The following LRRC3 variants were observed in gnomAD, a reference collection of about 807,000 sequenced individuals.
The protein encoded by LRRC3 is leucine-rich repeat-containing protein 3.
For missense variants in LRRC3, 351 were observed against 361.6 expected, an observed-to-expected ratio of 0.97 and a Z score of 0.24; for synonymous variants, 172 against 164.1, an observed-to-expected ratio of 1.05 and a Z score of -0.37.
Position 44,462,129 on chromosome 21 carries a change from C to G in LRRC3, c.*4711C>G, listed in dbSNP as rs190810655. Reference sequence around the variant, plus strand: ...GCCATGCTGCTGGCCCAGCCTGTGCCGGTGTCTGTTTCTGTTGTCTCTCGG... The same window carrying G: ...GCCATGCTGCTGGCCCAGCCTGTGCGGGTGTCTGTTTCTGTTGTCTCTCGG... On this transcript the variant is annotated 3_prime_UTR_variant, in exon 2 of 2. Transcript: ENST00000291592. This position sits in a 1 kb window ranked among gnomAD's most constrained non-coding sequence, Gnocchi z 4.2. 2.6e-5 allele frequency: 4 copies of G among 152,420 alleles called. No individual in the cohort carries two copies. Among genetic ancestry groups the G allele is most frequent in the Admixed American group, 1.3e-4 (2 of 15,308 alleles). 9.4% of individuals were successfully genotyped at this position (152,420 alleles called of 1,614,324 possible).
Position 44,456,975 on chromosome 21 carries a change from C to T in LRRC3, c.331C>T (p.Leu111=), listed in dbSNP as rs1200410884. 6.2e-7 allele frequency: 1 copy of T among 1,607,452 alleles called. No homozygotes were observed. Among genetic ancestry groups the T allele is most frequent in the Non-Finnish European group, 8.5e-7 (1 of 1,179,892 alleles). ...EAIGSATFAG[L]AGGLRLLDLS... ...CATCGGCTCCGCCACCTTCGCGGGC[C>T]TGGCCGGGGGCCTGCGGCTGCTGGA... The change falls in exon 2 of 2, where the codon CTG becomes TTG. Residue 111 remains leucine (L), a synonymous_variant. Transcript: ENST00000291592.
In LRRC3 at chr21:44,461,539, A is replaced by C. The variant is rs1344070447; in HGVS notation, c.*4121A>C. The C allele has an allele frequency of 1.3e-5, 2 of 152,290 alleles. No homozygotes were observed. The highest frequency in any genetic ancestry group is 4.8e-5 in the African/African-American group (2 of 41,458). 9.4% of individuals were successfully genotyped at this position (152,290 alleles called of 1,614,324 possible). ...GCTAAACCTGGACATGTGTTTCATA[A>C]CCAAAGCAGCCAGGAATCTCCGGCT... On this transcript the variant is annotated 3_prime_UTR_variant, in exon 2 of 2. Coordinates refer to ENST00000291592, the MANE Select transcript of LRRC3 (RefSeq NM_030891.6).
chr21:44,456,576 T>G lies in LRRC3; in HGVS notation c.-69T>G. ...ATGTCTGGTTGGATAAGGCCTTGCC[T>G]GCGGAAACCAGCTCCATCCCCAGGC... is the stretch of plus-strand genomic sequence containing the variant. On this transcript the variant is annotated 5_prime_UTR_variant, in exon 2 of 2. Transcript: ENST00000291592. 6.7e-7 allele frequency: 1 copy of G among 1,492,926 alleles called. No homozygotes were observed. The highest frequency in any genetic ancestry group is 9.0e-7 in the Non-Finnish European group (1 of 1,116,206). The allele number at this position is 1,492,926 out of a possible 1,614,324, so 92.5% of individuals were successfully genotyped here.
At chr21:44,455,832 C>G (rs915968427) in intron 1 of LRRC3, among the ~76,000 whole-genome samples, 177 bp downstream of exon 1, 1 of 151,960 alleles carries the variant, frequency 6.6e-6, no homozygotes, top group African/African-American at 2.4e-5. Flanking sequence ...CGCGCGGCCC[C>G]GCCGTCCACG....
rs750774218 is a variant in LRRC3 at position 44,456,670 on chromosome 21, C to G, written c.26C>G (p.Pro9Arg). 8.1e-6 allele frequency: 13 copies of G among 1,603,410 alleles called. No individual in the cohort carries two copies. In the African/African-American group the frequency reaches 1.7e-4, roughly 21 times the overall value. ...ATGGGCACCGTGCGCCCACCTCGCC[C>G]CTCGCTCCTGCTGGTCTCCACCCGG... MGTVRPPR[P>R]SLLLVSTRES... Residue 9 changes from proline (P) to arginine (R), a missense_variant, in exon 2 of 2, where the codon CCC becomes CGC. Transcript: ENST00000291592.
Position 44,456,668 on chromosome 21 carries a change from C to G in LRRC3, c.24C>G (p.Arg8=). 2 of 1,602,658 alleles carry G rather than the reference C, an allele frequency of 1.2e-6. No individual in the cohort carries two copies. Among genetic ancestry groups the G allele is most frequent in the Non-Finnish European group, 1.7e-6 (2 of 1,175,530 alleles). The change falls in exon 2 of 2, where the codon CGC becomes CGG. Residue 8 remains arginine, a synonymous_variant. Coordinates refer to ENST00000291592, the MANE Select transcript of LRRC3 (RefSeq NM_030891.6). ...GGATGGGCACCGTGCGCCCACCTCG[C>G]CCCTCGCTCCTGCTGGTCTCCACCC... The part of the protein sequence containing the change: MGTVRPP[R]PSLLLVSTRE...
chr21:44,457,142 T>A lies in LRRC3; in HGVS notation c.498T>A (p.Ser166=), dbSNP rs1261554429. Residue 166 remains serine, a synonymous_variant, in exon 2 of 2, where the codon TCT becomes TCA. Coordinates refer to ENST00000291592, the MANE Select transcript of LRRC3 (RefSeq NM_030891.6). ...ALWELKLDPD[S]VDEIACHTSV... Reference sequence around the variant, plus strand: ...GGGAGCTGAAGCTGGACCCCGACTCTGTGGACGAGATCGCCTGCCACACCT... The same window carrying A: ...GGGAGCTGAAGCTGGACCCCGACTCAGTGGACGAGATCGCCTGCCACACCT... 6.2e-7 allele frequency: 1 copy of A among 1,612,920 alleles called. No individual in the cohort carries two copies. Among genetic ancestry groups the A allele is most frequent in the East Asian group, 2.2e-5 (1 of 44,892 alleles).
Position 44,461,138 on chromosome 21 carries a change from T to A in LRRC3, c.*3720T>A, listed in dbSNP as rs1482640303. ...ATAGCCACCAGCAGAGCCATCCTGATCCACAGGACCATCCCTGGTGGGGTG... is the reference window on the plus strand; with the variant it reads ...ATAGCCACCAGCAGAGCCATCCTGAACCACAGGACCATCCCTGGTGGGGTG... On this transcript the variant is annotated 3_prime_UTR_variant, in exon 2 of 2. Coordinates refer to ENST00000291592, the MANE Select transcript of LRRC3 (RefSeq NM_030891.6). The A allele has an allele frequency of 6.6e-6, 1 of 152,392 alleles. No individual in the cohort carries two copies. Among genetic ancestry groups the A allele is most frequent in the Admixed American group, 6.5e-5 (1 of 15,284 alleles). The allele number at this position is 152,392 out of a possible 1,614,324, so 9.4% of individuals were successfully genotyped here. A position where few individuals can be genotyped will look rare whatever the true frequency, so the allele number is the denominator to read the frequency against.
rs1009176581 is a variant in LRRC3, at chr21:44,460,749, A to ACC, written c.*3333_*3334dup. ...GAGGCAGAGCCTGAACCCCAACCCA[A>ACC]CCCTAACTCTAATGCTAACCCCTAA... On this transcript the variant is annotated 3_prime_UTR_variant, in exon 2 of 2. Transcript: ENST00000291592. 6.6e-6 allele frequency: 1 copy of ACC among 151,988 alleles called. No homozygotes were observed. Among genetic ancestry groups the ACC allele is most frequent in the Non-Finnish European group, 1.5e-5 (1 of 68,024 alleles). The allele number at this position is 151,988 out of a possible 1,614,324, so 9.4% of individuals were successfully genotyped here.
intron 1 of LRRC3, 34 bp from the exon 2 acceptor site, chr21:44,456,464 C>G: frequency 1.5e-6 from 1 of 662,302 alleles, no homozygotes; most frequent in Non-Finnish European, 2.5e-6. Context: ...CACCCTCCCT[C>G]CCTCTCCGCT....
chr21:44,457,161 C>T lies in LRRC3; in HGVS notation c.517C>T (p.His173Tyr). ...DPDSVDEIAC[H>Y]TSVQEEFVGK... is the part of the protein sequence containing the mutation. ...CGACTCTGTGGACGAGATCGCCTGC[C>T]ACACCTCAGTGCAGGAGGAGTTTGT... Residue 173 changes from histidine (H) to tyrosine (Y), a missense_variant, in exon 2 of 2, where the codon CAC becomes TAC. His to Tyr is a moderately conservative substitution (Grantham distance 83, BLOSUM62 2). Transcript: ENST00000291592. 4.3e-6 allele frequency: 7 copies of T among 1,613,692 alleles called. No homozygotes were observed. The highest frequency in any genetic ancestry group is 5.9e-6 in the Non-Finnish European group (7 of 1,180,046).
Position 44,457,767 on chromosome 21 carries a change from C to G in LRRC3, c.*349C>G, listed in dbSNP as rs891465679. On this transcript the variant is annotated 3_prime_UTR_variant, in exon 2 of 2. Coordinates refer to ENST00000291592, the MANE Select transcript of LRRC3 (RefSeq NM_030891.6). Reference sequence around the variant, plus strand: ...AGGCTGTGGATATGCACTCAGAGGACTAAGGGGGTGCTCTGCAAGCGAGAG... The same window carrying G: ...AGGCTGTGGATATGCACTCAGAGGAGTAAGGGGGTGCTCTGCAAGCGAGAG... The G allele has an allele frequency of 3.2e-6, 1 of 309,086 alleles. No individual in the cohort carries two copies. The highest frequency in any genetic ancestry group is 6.4e-6 in the Non-Finnish European group (1 of 156,658). 19.1% of individuals were successfully genotyped at this position (309,086 alleles called of 1,614,324 possible).
In LRRC3 at chr21:44,455,565, T is replaced by TGGCCGCCGCGCCAGGCGTGGAGC. The variant is rs1258702250; in HGVS notation, c.-237_-215dup. On this transcript the variant is annotated 5_prime_UTR_variant, in exon 1 of 2. Coordinates refer to ENST00000291592, the MANE Select transcript of LRRC3 (RefSeq NM_030891.6). Reference sequence around the variant, plus strand: ...GGGCGCGGTCGCAGGGGCAGCGGGGTGGCCGCCGCGCCAGGCGTGGAGCTG... The same window carrying TGGCCGCCGCGCCAGGCGTGGAGC: ...GGGCGCGGTCGCAGGGGCAGCGGGGTGGCCGCCGCGCCAGGCGTGGAGCGGCCGCCGCGCCAGGCGTGGAGCTG... 6.6e-6 allele frequency: 1 copy of TGGCCGCCGCGCCAGGCGTGGAGC among 150,868 alleles called. No homozygotes were observed. Among genetic ancestry groups the TGGCCGCCGCGCCAGGCGTGGAGC allele is most frequent in the Non-Finnish European group, 1.5e-5 (1 of 67,654 alleles). The allele number at this position is 150,868 out of a possible 1,614,324, so 9.3% of individuals were successfully genotyped here.
In LRRC3 at chr21:44,457,101, C is replaced by A; in HGVS notation, c.457C>A (p.Leu153Met). The A allele has an allele frequency of 6.2e-7, 1 of 1,611,498 alleles. No individual in the cohort carries two copies. Among genetic ancestry groups the A allele is most frequent in the Non-Finnish European group, 8.5e-7 (1 of 1,179,988 alleles). ...SHNPLHCECA[L>M]QEALWELKLD... ...CAACCCCCTGCACTGCGAGTGCGCC[C>A]TGCAGGAGGCCCTGTGGGAGCTGAA... Residue 153 changes from leucine to methionine, a missense_variant, in exon 2 of 2, where the codon CTG becomes ATG. Coordinates refer to ENST00000291592, the MANE Select transcript of LRRC3 (RefSeq NM_030891.6).
chr21:44,455,651 C>T lies in LRRC3; in HGVS notation c.-152C>T, dbSNP rs902693305. 6.6e-6 allele frequency: 1 copy of T among 151,744 alleles called. No homozygotes were observed. The highest frequency in any genetic ancestry group is 2.4e-5 in the African/African-American group (1 of 41,350). 9.4% of individuals were successfully genotyped at this position (151,744 alleles called of 1,614,324 possible). Reference sequence around the variant, plus strand: ...GCAGAGCAGCCTCCGGCCGCCGCCGCGCAGGTAAAGCCCCCGCCCAGCCCT... The same window carrying T: ...GCAGAGCAGCCTCCGGCCGCCGCCGTGCAGGTAAAGCCCCCGCCCAGCCCT... On this transcript the variant is annotated 5_prime_UTR_variant, in exon 1 of 2. Coordinates refer to ENST00000291592, the MANE Select transcript of LRRC3 (RefSeq NM_030891.6).
rs988660834 is a variant in LRRC3 at position 44,457,699 on chromosome 21, C to T, written c.*281C>T. 1.5e-5 allele frequency: 7 copies of T among 457,988 alleles called. No homozygotes were observed. Among genetic ancestry groups the T allele is most frequent in the Middle Eastern group, 5.9e-4 (1 of 1,686 alleles). The allele number at this position is 457,988 out of a possible 1,614,324, so 28.4% of individuals were successfully genotyped here. On this transcript the variant is annotated 3_prime_UTR_variant, in exon 2 of 2. Transcript: ENST00000291592. ...ACCCGGGCTGTCCATCGTGACATTC[C>T]GCCTCCTTCCACCATGCCAGCCTCT... is the stretch of plus-strand genomic sequence containing the variant.
At position 44,457,712 on chromosome 21, in the gene LRRC3, C is replaced by G; in HGVS notation, c.*294C>G. On this transcript the variant is annotated 3_prime_UTR_variant, in exon 2 of 2. Transcript: ENST00000291592. Reference sequence around the variant, plus strand: ...ATCGTGACATTCCGCCTCCTTCCACCATGCCAGCCTCTCCCACACGGGGCC... The same window carrying G: ...ATCGTGACATTCCGCCTCCTTCCACGATGCCAGCCTCTCCCACACGGGGCC... The G allele has an allele frequency of 2.3e-6, 1 of 442,336 alleles. No homozygotes were observed. The highest frequency in any genetic ancestry group is 4.2e-6 in the Non-Finnish European group (1 of 237,008). The allele number at this position is 442,336 out of a possible 1,614,324, so 27.4% of individuals were successfully genotyped here. A position where few individuals can be genotyped will look rare whatever the true frequency, so the allele number is the denominator to read the frequency against.
Position 44,457,274 on chromosome 21 carries a change from C to A in LRRC3, c.630C>A (p.Thr210=). 1 of 1,613,894 alleles carries A rather than the reference C, an allele frequency of 6.2e-7. No homozygotes were observed. The highest frequency in any genetic ancestry group is 1.7e-5 in the Admixed American group (1 of 60,030). The change falls in exon 2 of 2, where the codon ACC becomes ACA. Residue 210 remains threonine (T), a synonymous_variant. Transcript: ENST00000291592. The part of the protein sequence containing the change: ...HRTTDVAMLV[T]MFGWFAMVIA... ...CCACAGACGTGGCCATGCTGGTCAC[C>A]ATGTTCGGCTGGTTCGCCATGGTGA...
rs1285576315 is a variant in LRRC3 at position 44,458,508 on chromosome 21, T to C, written c.*1090T>C. On this transcript the variant is annotated 3_prime_UTR_variant, in exon 2 of 2. Transcript: ENST00000291592. ...CTCACTAAGATATAAAACAGCTCTT[T>C]TTCCAAGGCCCGGAGTACTGGGGAT... 1 of 167,084 alleles carries C rather than the reference T, an allele frequency of 6.0e-6. No individual in the cohort carries two copies. The highest frequency in any genetic ancestry group is 2.4e-5 in the African/African-American group (1 of 41,452). The allele number at this position is 167,084 out of a possible 1,614,324, so 10.4% of individuals were successfully genotyped here.
Sources: gnomAD v4.1 joint callset for allele counts (sites outside exome capture counted in the v4.1 genomes callset) on GRCh38, gnomAD v4.1.1 for gene constraint, Gnocchi (gnomAD v3.1) non-coding constraint, MANE v1.5 for transcripts, NCBI Gene and HGNC (gene_info 2026-07-23, HGNC 2026-07-21) for gene names.